PRDM1: variants seen among roughly 807,000 people sequenced by gnomAD.
The protein encoded by PRDM1 is PR domain zinc finger protein 1.
A neutral mutation model predicts 62.8 loss-of-function variants in PRDM1; 13 were observed. That is an observed-to-expected ratio of 0.21 (90% confidence interval 0.13 to 0.33). The LOEUF (loss-of-function observed/expected upper bound fraction) is 0.33. Among genes scored for constraint, PRDM1 ranks in the 10% least tolerant of loss-of-function variants. The pLI is 1.00. For synonymous variants in PRDM1, 396 were observed against 417.6 expected, an observed-to-expected ratio of 0.95 and a Z score of 0.63; for missense variants, 895 against 1,058.8, an observed-to-expected ratio of 0.85 and a Z score of 2.15.
rs371702526 is a variant in PRDM1 at position 106,091,509 on chromosome 6, G to T, written c.291+3060G>T. Among the ~76,000 whole-genome samples the T allele has an allele frequency of 8.5e-5, 13 of 152,324 alleles. No homozygotes were observed. In the East Asian group the frequency reaches 1.3e-3, roughly 16 times the overall value. On this transcript the variant is annotated intron_variant, in intron 2 of 6. Coordinates refer to ENST00000369096, the MANE Select transcript of PRDM1 (RefSeq NM_001198.4). ...AAAAATGGGGTGATTGCCGGGCGCG[G>T]TGGCTCACGCCTGTAATCCCAGCAC... is the stretch of plus-strand genomic sequence containing the variant.
At chr6:106,039,879 G>C (rs553547129) in intron 1 of PRDM1, among the ~76,000 whole-genome samples, 1 of 152,304 alleles carries the variant, frequency 6.6e-6, no homozygotes, top group African/African-American at 2.4e-5. Flanking sequence ...ATTGTGTTTA[G>C]CCTATTTCCC....
At chr6:106,047,545 T>C (rs553409512), upstream of PRDM1, among the ~76,000 whole-genome samples, 3 of 152,338 alleles carry the variant, frequency 2.0e-5, no homozygotes, top group South Asian at 6.2e-4. Context: ...ATCTTTGTTG[T>C]AGGAAGTTAG....
chr6:106,020,226 A>G (rs1427634741), intron 1 of PRDM1, among the ~76,000 whole-genome samples: 1 of 151,146 alleles, frequency 6.6e-6, no homozygotes, highest in East Asian at 1.9e-4. Flanking sequence ...CATGAAAGTT[A>G]AAAAGAGAGG....
intron 1 of PRDM1, among the ~76,000 whole-genome samples, chr6:106,063,020 T>G (rs1773369492): frequency 6.6e-6 from 1 of 152,190 alleles, no homozygotes; most frequent in South Asian, 2.1e-4. Flanking sequence ...GGGTGATTCG[T>G]GGGTCCCCGC....
upstream of PRDM1, among the ~76,000 whole-genome samples, chr6:106,084,469 C>G (rs955919251): frequency 6.6e-6 from 1 of 152,200 alleles, no homozygotes; most frequent in African/African-American, 2.4e-5. Context: ...AGCCTTCTTC[C>G]CACCTCAAAT....
upstream of PRDM1, among the ~76,000 whole-genome samples, chr6:106,086,143 A>T (rs1773794951): frequency 6.6e-6 from 1 of 152,174 alleles, no homozygotes; most frequent in African/African-American, 2.4e-5. Flanking sequence ...AGTGCCTTCA[A>T]AGGGAAGTAA....
chr6:106,033,832 A>G (rs1459096190), intron 1 of PRDM1, among the ~76,000 whole-genome samples: 1 of 151,838 alleles, frequency 6.6e-6, no homozygotes, highest in Non-Finnish European at 1.5e-5. Flanking sequence ...TAGTTCTTTA[A>G]ATATTTGGTA....
At chr6:106,067,216 T>C (rs567441477) in intron 1 of PRDM1, among the ~76,000 whole-genome samples, 80 of 152,316 alleles carry the variant, frequency 5.3e-4, no homozygotes, top group African/African-American at 1.9e-3. Flanking sequence ...ATTTGGCTTG[T>C]TTCCAGTTTT....
At chr6:106,005,071 A>G (rs2114545251) in intron 1 of PRDM1, among the ~76,000 whole-genome samples, 1 of 152,312 alleles carries the variant, frequency 6.6e-6, no homozygotes, top group Admixed American at 6.5e-5. Context: ...GCTTGCTGCA[A>G]TCTTCTTAAG....
At chr6:105,995,734 T>A (rs75605808) in intron 1 of PRDM1, among the ~76,000 whole-genome samples, 5 of 152,278 alleles carry the variant, frequency 3.3e-5, no homozygotes, top group East Asian at 1.9e-4. Context: ...TTTTTTTTTT[T>A]AATCAGTCAG....
intron 1 of PRDM1, among the ~76,000 whole-genome samples, chr6:106,003,796 A>G (rs1772454279): frequency 6.6e-6 from 1 of 152,180 alleles, no homozygotes; most frequent in Admixed American, 6.5e-5. Flanking sequence ...CTTTCACCCC[A>G]GGTCCAGATC....
intron 1 of PRDM1, among the ~76,000 whole-genome samples, chr6:105,996,183 A>G (rs1411930152): frequency 1.3e-5 from 2 of 152,108 alleles, no homozygotes; most frequent in African/African-American, 4.8e-5. Context: ...TGCTTAAGCA[A>G]CTCTTCATCT....
At chr6:106,073,175 C>T (rs575929663) in intron 1 of PRDM1, among the ~76,000 whole-genome samples, 1 of 147,580 alleles carries the variant, frequency 6.8e-6, no homozygotes, top group African/African-American at 2.5e-5. Flanking sequence ...AGTGCAATGG[C>T]GCAATCTCGG....
intron 1 of PRDM1, among the ~76,000 whole-genome samples, chr6:106,065,526 A>G (rs957414179): frequency 2.0e-5 from 3 of 152,218 alleles, no homozygotes; most frequent in Non-Finnish European, 2.9e-5. Flanking sequence ...TCTTATGTGT[A>G]TCATTATCAT....
chr6:105,997,582 A>G (rs945349054), intron 1 of PRDM1, among the ~76,000 whole-genome samples: 2 of 152,218 alleles, frequency 1.3e-5, no homozygotes, highest in East Asian at 1.9e-4. Flanking sequence ...GTTAGCGGTG[A>G]TGACACCTTA....
In PRDM1 at chr6:106,107,174, T is replaced by G. The variant is rs759824378; in HGVS notation, c.2166T>G (p.Asp722Glu). 5.6e-6 allele frequency: 9 copies of G among 1,614,192 alleles called. No individual in the cohort carries two copies. In the Admixed American group the frequency reaches 1.5e-4, roughly 27 times the overall value. Residue 722 changes from aspartate to glutamate, a missense_variant, in exon 7 of 7, where the codon GAT becomes GAG. Coordinates refer to ENST00000369096, the MANE Select transcript of PRDM1 (RefSeq NM_001198.4). ...AAPAPGLPLE[D>E]LTRINEEIEK... is the part of the protein sequence containing the mutation. Reference sequence around the variant, plus strand: ...CGGCGCCTGGGCTGCCCTTGGAAGATCTGACCCGAATCAATGAAGAAATCG... The same window carrying G: ...CGGCGCCTGGGCTGCCCTTGGAAGAGCTGACCCGAATCAATGAAGAAATCG...
At chr6:106,028,657 A>G (rs991873481) in intron 1 of PRDM1, among the ~76,000 whole-genome samples, 4 of 152,336 alleles carry the variant, frequency 2.6e-5, no homozygotes, top group Non-Finnish European at 5.9e-5. Flanking sequence ...TGAACTGCAC[A>G]TATTTAAAGT....
At chr6:106,104,487 A>G (rs551961625) in intron 4 of PRDM1, among the ~76,000 whole-genome samples, 1 of 152,368 alleles carries the variant, frequency 6.6e-6, no homozygotes, top group Admixed American at 6.5e-5. Flanking sequence ...CTGGGATTAC[A>G]GGCAAGAGCC....
chr6:106,061,775 G>T (rs1166097034), intron 1 of PRDM1, among the ~76,000 whole-genome samples: 1 of 152,222 alleles, frequency 6.6e-6, no homozygotes, highest in Non-Finnish European at 1.5e-5. Flanking sequence ...CAAGGCATTG[G>T]GAGATTTTGA....
Sources: allele counts gnomAD v4.1 joint callset (sites outside exome capture counted in the v4.1 genomes callset), GRCh38; gene constraint gnomAD v4.1.1; transcripts MANE v1.5; gene names NCBI Gene and HGNC (gene_info 2026-07-23, HGNC 2026-07-21).